RABEP1: variants seen among roughly 807,000 people sequenced by gnomAD.
RABEP1 encodes the protein rabaptin, RAB GTPase binding effector protein 1, also known as rab GTPase-binding effector protein 1.
In RABEP1, 51 loss-of-function variants were observed where a neutral mutation model predicts 123.4. That is an observed-to-expected ratio of 0.41 (90% CI 0.33 to 0.52). RABEP1 has a LOEUF of 0.52. RABEP1 is among the 20% of genes least tolerant of loss of function. The pLI, the probability that RABEP1 is intolerant of heterozygous loss-of-function variation, is 0.16. For missense variants in RABEP1, 888 were observed against 996.3 expected, an observed-to-expected ratio of 0.89 and a Z score of 1.46; for synonymous variants, 347 against 355.2, an observed-to-expected ratio of 0.98 and a Z score of 0.26.
At chr17:5,302,452 G>C (rs1212013117) in intron 1 of RABEP1, among the ~76,000 whole-genome samples, 1 of 151,808 alleles carries the variant, frequency 6.6e-6, no homozygotes, top group Non-Finnish European at 1.5e-5. Flanking sequence ...TATTAGCCAG[G>C]CTGGTCTCGA....
At chr17:5,356,855 C>G (rs1909058625) in intron 8 of RABEP1, among the ~76,000 whole-genome samples, 1 of 147,382 alleles carries the variant, frequency 6.8e-6, no homozygotes, top group Non-Finnish European at 1.5e-5. Flanking sequence ...GTTGCCCCGG[C>G]TGGAACACAT....
At chr17:5,309,539 G>A (rs1042947602) in intron 2 of RABEP1, among the ~76,000 whole-genome samples, 6 of 151,958 alleles carry the variant, frequency 3.9e-5, no homozygotes, top group African/African-American at 1.5e-4. Flanking sequence ...TGTAATCCCA[G>A]CTGCTCGGGA....
intron 1 of RABEP1, among the ~76,000 whole-genome samples, chr17:5,296,520 C>G (rs759122383): frequency 6.6e-6 from 1 of 152,166 alleles, no homozygotes; most frequent in Non-Finnish European, 1.5e-5. Context: ...CTTGGCCTCC[C>G]AAAGTGCTGG....
chr17:5,369,301 G>A (rs1379116789), intron 12 of RABEP1, among the ~76,000 whole-genome samples: 1 of 152,118 alleles, frequency 6.6e-6, no homozygotes, highest in Non-Finnish European at 1.5e-5. Flanking sequence ...TAGTCTGGCT[G>A]CATTTGCTTT....
rs779625352 is a variant in RABEP1 at position 5,361,634 on chromosome 17, C to T, written c.1522C>T (p.Arg508Cys). ...ESAYVSPSGY[R>C]LVSETEWNLL... ...TGCCTATGTGTCCCCTAGTGGTTATCGTTTAGTTAGTGAAACAGAATGGAA... is the reference window on the plus strand; with the variant it reads ...TGCCTATGTGTCCCCTAGTGGTTATTGTTTAGTTAGTGAAACAGAATGGAA... Residue 508 changes from arginine to cysteine, a missense_variant, in exon 9 of 18, where the codon CGT (arginine) becomes TGT (cysteine). Arg to Cys is a radical substitution (Grantham distance 180). Transcript: ENST00000537505. 3.1e-6 allele frequency: 5 copies of T among 1,609,638 alleles called. No homozygotes were observed. Among genetic ancestry groups the T allele is most frequent in the African/African-American group, 1.3e-5 (1 of 74,646 alleles).
At chr17:5,373,038 G>T (rs557483632) in intron 12 of RABEP1, among the ~76,000 whole-genome samples, 37 of 152,322 alleles carry the variant, frequency 2.4e-4, no homozygotes, top group African/African-American at 8.4e-4. Flanking sequence ...GATTACAGGC[G>T]TGAGCCACCA....
rs1357246068 is a variant in RABEP1, at chr17:5,384,001, G to A, written c.*778G>A. ...CAGGGTACCAGGATAAAGCCGAACT[G>A]GTACCATCTACTCTTTTGAAGTGTT... On this transcript the variant is annotated 3_prime_UTR_variant, in exon 18 of 18. Coordinates refer to ENST00000537505, the MANE Select transcript of RABEP1 (RefSeq NM_004703.6). 4.6e-6 allele frequency: 1 copy of A among 219,776 alleles called. No individual in the cohort carries two copies. The highest frequency in any genetic ancestry group is 9.1e-6 in the Non-Finnish European group (1 of 109,562). 13.6% of individuals were successfully genotyped at this position (219,776 alleles called of 1,614,324 possible). A position where few individuals can be genotyped will look rare whatever the true frequency, so the allele number is the denominator to read the frequency against.
chr17:5,351,390 G>C (rs1002674085), intron 7 of RABEP1, among the ~76,000 whole-genome samples: 21 of 152,086 alleles, frequency 1.4e-4, no homozygotes, highest in Middle Eastern at 3.2e-3. Context: ...ACCTCCCCTT[G>C]TCAGAAGATT....
rs539469751 is a variant in RABEP1 at position 5,386,315 on chromosome 17, T to A, written c.*3092T>A. The stretch of plus-strand genomic sequence containing the variant: ...TCACTTTTGGAATTATAATAAACCA[T>A]TTATATGGATTCTTAAGAATTTAAA... On this transcript the variant is annotated 3_prime_UTR_variant, in exon 18 of 18. Transcript: ENST00000537505. 4.9e-5 allele frequency: 67 copies of A among 1,365,186 alleles called. No homozygotes were observed. In the African/African-American group the frequency reaches 9.0e-4, roughly 18 times the overall value. The allele number at this position is 1,365,186 out of a possible 1,614,324, so 84.6% of individuals were successfully genotyped here.
At chr17:5,350,306 G>A (rs1908420949) in intron 6 of RABEP1, 145 bp from the exon 7 acceptor site, 1 of 780,660 alleles carries the variant, frequency 1.3e-6, no homozygotes, top group Non-Finnish European at 1.9e-6. Flanking sequence ...CGTGAACCCG[G>A]GAGGCAGAGC....
At chr17:5,365,061 T>A (rs1464109949) in intron 10 of RABEP1, 61 bp from the exon 11 acceptor site, 21 of 911,042 alleles carry the variant, frequency 2.3e-5, no homozygotes, top group African/African-American at 1.8e-4. Context: ...GAGTTAGATT[T>A]AAAAAAAAAA....
chr17:5,348,804 G>A (rs570561671), intron 6 of RABEP1, among the ~76,000 whole-genome samples: 22 of 151,966 alleles, frequency 1.4e-4, no homozygotes, highest in African/African-American at 5.1e-4. Flanking sequence ...CTCGTGATCC[G>A]CCCACCTCGG....
At chr17:5,303,983 G>A (rs905584956) in intron 1 of RABEP1, among the ~76,000 whole-genome samples, 7 of 150,670 alleles carry the variant, frequency 4.6e-5, no homozygotes, top group African/African-American at 1.2e-4. Flanking sequence ...GCTGTGAGCC[G>A]AGATTGCACC....
chr17:5,294,040 A>T (rs889754992), intron 1 of RABEP1, among the ~76,000 whole-genome samples: 3 of 152,230 alleles, frequency 2.0e-5, no homozygotes, highest in African/African-American at 7.2e-5. Flanking sequence ...AAAAAAGTGT[A>T]AAGTGAACAG....
Position 5,385,148 on chromosome 17 carries a change from G to A in RABEP1, c.*1925G>A, listed in dbSNP as rs1911842289. Reference sequence around the variant, plus strand: ...GCCAACTGTTGGAATTCACTTTATTGTAGAAAAACCCAAACTGAGACTCTT... The same window carrying A: ...GCCAACTGTTGGAATTCACTTTATTATAGAAAAACCCAAACTGAGACTCTT... On this transcript the variant is annotated 3_prime_UTR_variant, in exon 18 of 18. Transcript: ENST00000537505. The A allele has an allele frequency of 4.4e-6, 1 of 229,420 alleles. No individual in the cohort carries two copies. Among genetic ancestry groups the A allele is most frequent in the Admixed American group, 5.7e-5 (1 of 17,674 alleles). The allele number at this position is 229,420 out of a possible 1,614,324, so 14.2% of individuals were successfully genotyped here.
At chr17:5,319,194 G>A (rs895244795) in intron 2 of RABEP1, among the ~76,000 whole-genome samples, 3 of 151,502 alleles carry the variant, frequency 2.0e-5, no homozygotes, top group African/African-American at 7.3e-5. Flanking sequence ...ACCGGGTGTG[G>A]TGGTGCACAC....
At position 5,350,977 on chromosome 17, in the gene RABEP1, G is replaced by A. The variant is rs552343184; in HGVS notation, c.963+348G>A. Among the ~76,000 whole-genome samples, 3 of 152,304 alleles carry A rather than the reference G, an allele frequency of 2.0e-5. No homozygotes were observed. In the South Asian group the frequency reaches 6.2e-4, roughly 32 times the overall value. On this transcript the variant is annotated intron_variant, in intron 7 of 17. Coordinates refer to ENST00000537505, the MANE Select transcript of RABEP1 (RefSeq NM_004703.6). ...CAACCTGCAGCTCTTGGCTTTGAAT[G>A]CGGCCCAACACAAATTTGTAAACTT...
intron 2 of RABEP1, among the ~76,000 whole-genome samples, chr17:5,325,297 C>G (rs1462141434): frequency 6.6e-6 from 1 of 151,884 alleles, no homozygotes; most frequent in Non-Finnish European, 1.5e-5. Flanking sequence ...GATCGTGCCA[C>G]TCACTGCACT....
chr17:5,354,281 G>C, intron 7 of RABEP1, 78 bp from the exon 8 acceptor site: 1 of 1,334,728 alleles, frequency 7.5e-7, no homozygotes, highest in Non-Finnish European at 1.0e-6. Flanking sequence ...TTCTTTATTT[G>C]TTTTGAATGG....
Sources: gnomAD v4.1 joint callset for allele counts (sites outside exome capture counted in the v4.1 genomes callset) on GRCh38, gnomAD v4.1.1 for gene constraint, MANE v1.5 for transcripts, NCBI Gene and HGNC (gene_info 2026-07-23, HGNC 2026-07-21) for gene names.